The following DNAL1 variants were observed in gnomAD, a reference collection of about 807,000 sequenced individuals.
DNAL1 encodes chromosome 14 open reading frame 168.
Under a neutral mutation model 29.4 loss-of-function variants are expected in DNAL1, and 17 were observed. The ratio of observed to expected loss-of-function variants is 0.58; its 90% CI spans 0.40 to 0.87. The LOEUF (loss-of-function observed/expected upper bound fraction) is 0.87. DNAL1 is among the 40% of genes least tolerant of loss of function. The probability of loss-of-function intolerance (pLI) is 0.00; values close to 1 mark genes in which losing one functional copy is unlikely to be tolerated. For synonymous variants in DNAL1, 78 were observed against 76.3 expected, an observed-to-expected ratio of 1.02 and a Z score of -0.12; for missense variants, 188 against 214.1, an observed-to-expected ratio of 0.88 and a Z score of 0.76.
At chr14:73,658,702 G>A in intron 2 of DNAL1, 145 bp from the exon 3 acceptor site, 1 of 520,544 alleles carries the variant, frequency 1.9e-6, no homozygotes, top group East Asian at 3.1e-5. Flanking sequence ...TTTTCAATAA[G>A]TTAATGGTAA....
Position 73,699,095 on chromosome 14 carries a change from G to A in DNAL1, c.*3153G>A, listed in dbSNP as rs1306548253. On this transcript the variant is annotated 3_prime_UTR_variant, in exon 8 of 8. Transcript: ENST00000553645. Reference sequence around the variant, plus strand: ...CCCCCTCCTCAGCCATGACAACAAAGATATCTCCAGACATTGCCATCTGTC... The same window carrying A: ...CCCCCTCCTCAGCCATGACAACAAAAATATCTCCAGACATTGCCATCTGTC... The A allele has an allele frequency of 6.6e-6, 1 of 152,224 alleles. No homozygotes were observed. Among genetic ancestry groups the A allele is most frequent in the Non-Finnish European group, 1.5e-5 (1 of 68,082 alleles). 9.4% of individuals were successfully genotyped at this position (152,224 alleles called of 1,614,324 possible).
At chr14:73,647,884 G>C (rs1662749629) in intron 1 of DNAL1, among the ~76,000 whole-genome samples, 1 of 152,174 alleles carries the variant, frequency 6.6e-6, no homozygotes, top group African/African-American at 2.4e-5. Flanking sequence ...TAGGGTCTAT[G>C]TATACTTAAT....
rs1430275974 is a variant in DNAL1, at chr14:73,703,595, A to G, written c.*7653A>G. 1 of 152,242 alleles carries G rather than the reference A, an allele frequency of 6.6e-6. No homozygotes were observed. The highest frequency in any genetic ancestry group is 1.5e-5 in the Non-Finnish European group (1 of 68,066). 9.4% of individuals were successfully genotyped at this position (152,242 alleles called of 1,614,324 possible). On this transcript the variant is annotated 3_prime_UTR_variant, in exon 8 of 8. Coordinates refer to ENST00000553645, the MANE Select transcript of DNAL1 (RefSeq NM_031427.4). ...TTTGTGAGCTCCACCCACTGTCTGC[A>G]AAACATTGCTCTTAACTTCAGCGCC...
At chr14:73,660,504 G>A (rs1891317887) in intron 3 of DNAL1, among the ~76,000 whole-genome samples, 2 of 152,150 alleles carry the variant, frequency 1.3e-5, no homozygotes, top group Admixed American at 1.3e-4. Context: ...CAGGAGATCA[G>A]CCCCATCCCA....
intron 3 of DNAL1, among the ~76,000 whole-genome samples, chr14:73,660,428 G>GT (rs1384833711): frequency 6.6e-6 from 1 of 152,080 alleles, no homozygotes; most frequent in Non-Finnish European, 1.5e-5. Context: ...GAATCACTGG[G>GT]TTTTTTTCTG....
intron 1 of DNAL1, chr14:73,651,094 G>A (rs1891103917): frequency 6.6e-6 from 1 of 152,080 alleles, no homozygotes; most frequent in Non-Finnish European, 1.5e-5. Flanking sequence ...ATCTATTCTT[G>A]ATCATGGTTC....
rs11287416 is a variant in DNAL1, at chr14:73,701,381, TA to T, written c.*5441del. ...CTCGTTCTAAACCCACATGAGTAGT[TA>T]ACTGTCTTTTGACATAATCAGAGTC... On this transcript the variant is annotated 3_prime_UTR_variant, in exon 8 of 8. Transcript: ENST00000553645. 0.31 allele frequency: 47,196 copies of T among 152,108 alleles called. 7,793 individuals are homozygous for T. The highest frequency in any genetic ancestry group is 0.37 in the African/African-American group (15,164 of 41,478). The allele number at this position is 152,108 out of a possible 1,614,324, so 9.4% of individuals were successfully genotyped here. A position where few individuals can be genotyped will look rare whatever the true frequency, so the allele number is the denominator to read the frequency against.
rs1306951337 is a variant in DNAL1 at position 73,689,434 on chromosome 14, C to G, written c.451C>G (p.Pro151Ala). ...CGAAGACCTGGTGTTTGTAGGCAAT[C>G]CCTTGGAAGAGAAACATTCTGCTGA... Reference protein sequence around the residue: ...CLEDLVFVGNPLEEKHSAENN... With the variant: ...CLEDLVFVGNALEEKHSAENN... The change falls in exon 7 of 8, where the codon CCC becomes GCC. Residue 151 changes from proline to alanine, a missense_variant. Transcript: ENST00000553645. The G allele has an allele frequency of 6.4e-7, 1 of 1,559,784 alleles. No individual in the cohort carries two copies. Among genetic ancestry groups the G allele is most frequent in the Non-Finnish European group, 8.7e-7 (1 of 1,151,594 alleles).
At chr14:73,659,077 G>A in intron 3 of DNAL1, 121 bp downstream of exon 3, 1 of 671,222 alleles carries the variant, frequency 1.5e-6, no homozygotes, top group Non-Finnish European at 2.3e-6. Flanking sequence ...TTTGCTTAGT[G>A]TAATTCTCTC....
In DNAL1 at chr14:73,648,403, C is replaced by CATATAT. The variant is rs149075024; in HGVS notation, c.3+3370_3+3375dup. On this transcript the variant is annotated intron_variant, in intron 1 of 7. Transcript: ENST00000553645. ...CTCGATGTGTTATAACACCTCATTTCATATATATATATATTTGTTGTTTGT... is the reference window on the plus strand; with the variant it reads ...CTCGATGTGTTATAACACCTCATTTCATATATATATATATATATATTTGTTGTTTGT... Among the ~76,000 whole-genome samples the CATATAT allele has an allele frequency of 2.5e-3, 218 of 86,768 alleles. 33 individuals are homozygous for CATATAT. Among genetic ancestry groups the CATATAT allele is most frequent in the African/African-American group, 7.7e-3 (124 of 16,024 alleles). The allele number at this position is 86,768 out of a possible 152,430, so 56.9% of individuals were successfully genotyped here.
chr14:73,689,230 C>A (rs1892102676), intron 6 of DNAL1, 145 bp from the exon 7 acceptor site: 2 of 884,340 alleles, frequency 2.3e-6, no homozygotes, highest in Non-Finnish European at 3.4e-6. Flanking sequence ...GATGGGGTTT[C>A]ACTGTGTTAG....
At chr14:73,659,395 A>G (rs1001030898) in intron 3 of DNAL1, among the ~76,000 whole-genome samples, 3 of 151,616 alleles carry the variant, frequency 2.0e-5, no homozygotes, top group African/African-American at 7.3e-5. Context: ...ATCTCCTGAC[A>G]TTGTGATCCG....
At position 73,697,123 on chromosome 14, in the gene DNAL1, A is replaced by G. The variant is rs1361835004; in HGVS notation, c.*1181A>G. 1.3e-5 allele frequency: 2 copies of G among 152,190 alleles called. No individual in the cohort carries two copies. Among genetic ancestry groups the G allele is most frequent in the African/African-American group, 4.8e-5 (2 of 41,444 alleles). 9.4% of individuals were successfully genotyped at this position (152,190 alleles called of 1,614,324 possible). ...CATGTAAACAAAAAATCCTTCAGGAAAATGTAAGACATTGTAGTCAGTAAG... is the reference window on the plus strand; with the variant it reads ...CATGTAAACAAAAAATCCTTCAGGAGAATGTAAGACATTGTAGTCAGTAAG... On this transcript the variant is annotated 3_prime_UTR_variant, in exon 8 of 8. Transcript: ENST00000553645.
rs56879277 is a variant in DNAL1, at chr14:73,676,963, A to ATT, written c.264+5386_264+5387dup. 1.3e-3 allele frequency among the ~76,000 whole-genome samples: 161 copies of ATT among 126,654 alleles called. 1 individual carries two copies. The East Asian group carries it at 0.022, about 17-fold the overall frequency. 83.1% of individuals were successfully genotyped at this position (126,654 alleles called of 152,430 possible). On this transcript the variant is annotated intron_variant, in intron 5 of 7. Coordinates refer to ENST00000553645, the MANE Select transcript of DNAL1 (RefSeq NM_031427.4). ...CCCTCAACATCAGTGAGTAGTATTC[A>ATT]TTTTTTTTTTTTTTTTTTTTTAATT... is the stretch of plus-strand genomic sequence containing the variant.
chr14:73,700,106 C>T lies in DNAL1; in HGVS notation c.*4164C>T, dbSNP rs1230215432. On this transcript the variant is annotated 3_prime_UTR_variant, in exon 8 of 8. Coordinates refer to ENST00000553645, the MANE Select transcript of DNAL1 (RefSeq NM_031427.4). ...GTGGCTCATGCCTGTAATCCCAGCA[C>T]TTTGGGAGGCCGTGGTGGGCAGATC... The T allele has an allele frequency of 6.6e-6, 1 of 152,236 alleles. No homozygotes were observed. The highest frequency in any genetic ancestry group is 6.5e-5 in the Admixed American group (1 of 15,276). The allele number at this position is 152,236 out of a possible 1,614,324, so 9.4% of individuals were successfully genotyped here. A position where few individuals can be genotyped will look rare whatever the true frequency, so the allele number is the denominator to read the frequency against.
intron 1 of DNAL1, chr14:73,653,318 G>C (rs1465236155): frequency 1.3e-5 from 2 of 152,098 alleles, no homozygotes; most frequent in Non-Finnish European, 2.9e-5. Context: ...CCTTTAGTAA[G>C]CAGATGGCTG....
intron 5 of DNAL1, among the ~76,000 whole-genome samples, chr14:73,673,886 G>GA (rs11394636): frequency 0.92 from 132,144 of 143,892 alleles, 60,801 homozygotes; most frequent in East Asian, 1. Context: ...TGACAGAGGG[G>GA]AAAAAAAAAA....
chr14:73,698,843 A>C lies in DNAL1; in HGVS notation c.*2901A>C, dbSNP rs1892364677. ...TGATTTTAGTCTACCAAGGAGTTTA[A>C]CTTTTCTATGTTCCCTAACTCTAAG... is the stretch of plus-strand genomic sequence containing the variant. On this transcript the variant is annotated 3_prime_UTR_variant, in exon 8 of 8. Transcript: ENST00000553645. The C allele has an allele frequency of 6.6e-6, 1 of 152,170 alleles. No individual in the cohort carries two copies. Among genetic ancestry groups the C allele is most frequent in the African/African-American group, 2.4e-5 (1 of 41,432 alleles). The allele number at this position is 152,170 out of a possible 1,614,324, so 9.4% of individuals were successfully genotyped here. A position where few individuals can be genotyped will look rare whatever the true frequency, so the allele number is the denominator to read the frequency against.
chr14:73,664,871 T>TA (rs961903598), intron 4 of DNAL1, among the ~76,000 whole-genome samples: 12 of 150,366 alleles, frequency 8.0e-5, no homozygotes, highest in African/African-American at 2.7e-4. Flanking sequence ...AAAAAAAAAA[T>TA]AAAAAAAAAT....
Sources: gnomAD v4.1 joint callset for allele counts (sites outside exome capture counted in the v4.1 genomes callset) on GRCh38, gnomAD v4.1.1 for gene constraint, MANE v1.5 for transcripts, NCBI Gene and HGNC (gene_info 2026-07-23, HGNC 2026-07-21) for gene names.